Variants in ASTN2 observed in about 807,000 individuals in gnomAD.
ASTN2 encodes the protein astrotactin 2, also known as astrotactin-2.
Under a neutral mutation model 139.8 loss-of-function variants are expected in ASTN2, and 54 were observed. The observed-to-expected ratio is 0.39, with a 90% CI of 0.31 to 0.48. The LOEUF (loss-of-function observed/expected upper bound fraction) is 0.48. Among genes scored for constraint, ASTN2 ranks in the 20% least tolerant of loss-of-function variants. ASTN2 has a pLI of 0.95. For synonymous variants in ASTN2, 756 were observed against 719.5 expected (o/e 1.05, Z -0.81); for missense variants, 1,565 against 1,725.1 (o/e 0.91, Z 1.64).
At chr9:116,771,389 T>C (rs916393492) in intron 13 of ASTN2, among the ~76,000 whole-genome samples, 2 of 152,176 alleles carry the variant, frequency 1.3e-5, no homozygotes, top group African/African-American at 4.8e-5. Flanking sequence ...AGAAATAAGG[T>C]GATCCACATA....
Position 116,698,331 on chromosome 9 carries a change from G to A in ASTN2, c.2806+27440C>T, listed in dbSNP as rs1367241978. ...TGGGCATGAGGAGCGCAGGGTCCAG[G>A]ATGAGCTGGCTCGCTCTCGGAAGTT... is the stretch of plus-strand genomic sequence containing the variant. On this transcript the variant is annotated intron_variant, in intron 16 of 22. Transcript: ENST00000313400. The surrounding 1 kb of genome is among the most constrained non-coding windows in gnomAD (Gnocchi z 4.4). The A allele has an allele frequency of 1.9e-6, 3 of 1,614,176 alleles. No individual in the cohort carries two copies. Among genetic ancestry groups the A allele is most frequent in the Non-Finnish European group, 2.5e-6 (3 of 1,180,048 alleles).
At chr9:117,073,375 C>T (rs1011773571) in intron 5 of ASTN2, among the ~76,000 whole-genome samples, 5 of 152,094 alleles carry the variant, frequency 3.3e-5, no homozygotes, top group African/African-American at 1.2e-4. Flanking sequence ...TAATCCTTTG[C>T]AATATCATCT....
At chr9:116,985,805 G>A (rs1211640086) in intron 7 of ASTN2, among the ~76,000 whole-genome samples, 1 of 152,110 alleles carries the variant, frequency 6.6e-6, no homozygotes. Context: ...TGAGAGGCTG[G>A]CTTCTCCTCA....
intron 4 of ASTN2, among the ~76,000 whole-genome samples, chr9:117,100,433 A>G (rs1828949018): frequency 6.6e-6 from 1 of 152,240 alleles, no homozygotes; most frequent in Non-Finnish European, 1.5e-5. Flanking sequence ...GTTCAAATGA[A>G]TTTCCAGAAT....
At chr9:117,340,922 G>A (rs1012032249) in intron 1 of ASTN2, among the ~76,000 whole-genome samples, 2 of 152,162 alleles carry the variant, frequency 1.3e-5, no homozygotes, top group African/African-American at 4.8e-5. Flanking sequence ...CAATAACCAT[G>A]TGGGGCCTTT....
chr9:117,163,973 A>G (rs914928572), intron 3 of ASTN2, among the ~76,000 whole-genome samples: 3 of 152,106 alleles, frequency 2.0e-5, no homozygotes. Flanking sequence ...GGAACTCACT[A>G]TATGTCTGAT....
At position 117,099,252 on chromosome 9, in the gene ASTN2, G is replaced by A. The variant is rs1254951088; in HGVS notation, c.1169-3101C>T. Among the ~76,000 whole-genome samples, 3 of 152,286 alleles carry A rather than the reference G, an allele frequency of 2.0e-5. No homozygotes were observed. The East Asian group carries it at 5.8e-4, about 29-fold the overall frequency. On this transcript the variant is annotated intron_variant, in intron 4 of 22. Coordinates refer to ENST00000313400, the MANE Select transcript of ASTN2 (RefSeq NM_001365068.1). The stretch of plus-strand genomic sequence containing the variant: ...ACTCTCTGCTATGTCTGGAGCCACA[G>A]AGCAAAAAGGAGGGTCTATCCCTGT...
At chr9:117,172,882 A>T (rs1020539059) in intron 3 of ASTN2, among the ~76,000 whole-genome samples, 9 of 152,054 alleles carry the variant, frequency 5.9e-5, no homozygotes, top group Non-Finnish European at 1.2e-4. Flanking sequence ...CTCATCCCAC[A>T]CTTTGGCCAC....
chr9:117,312,239 G>C (rs1420397113), intron 1 of ASTN2, among the ~76,000 whole-genome samples: 2 of 152,128 alleles, frequency 1.3e-5, no homozygotes, highest in African/African-American at 4.8e-5. Flanking sequence ...CTGGTTAAGA[G>C]GATGACTAAC....
chr9:116,557,047 C>T (rs1852658852), intron 19 of ASTN2, among the ~76,000 whole-genome samples: 1 of 151,534 alleles, frequency 6.6e-6, no homozygotes, highest in South Asian at 2.1e-4. Context: ...TGGTGAAACC[C>T]CGCCTCTACT....
At chr9:116,854,773 T>C (rs1832695276) in intron 11 of ASTN2, among the ~76,000 whole-genome samples, 1 of 150,644 alleles carries the variant, frequency 6.6e-6, no homozygotes, top group South Asian at 2.1e-4. Flanking sequence ...TGCCTCAGCC[T>C]CCTGAGTAGC....
intron 10 of ASTN2, among the ~76,000 whole-genome samples, chr9:116,974,293 A>G (rs1474009340): frequency 6.6e-6 from 1 of 152,158 alleles, no homozygotes; most frequent in Admixed American, 6.5e-5. Context: ...TAGATGTCCA[A>G]TATGTACTAG....
intron 20 of ASTN2, among the ~76,000 whole-genome samples, chr9:116,478,862 C>T (rs549737346): frequency 3.5e-4 from 53 of 151,944 alleles, no homozygotes; most frequent in Non-Finnish European, 4.6e-4. Flanking sequence ...CACAGTGGCA[C>T]GTGCCTGTAG....
At position 116,641,509 on chromosome 9, in the gene ASTN2, A is replaced by G. The variant is rs73655454; in HGVS notation, c.3072+10019T>C. Among the ~76,000 whole-genome samples the G allele has an allele frequency of 9.4e-3, 1,433 of 152,278 alleles. 20 individuals are homozygous for G. Among genetic ancestry groups the G allele is most frequent in the African/African-American group, 0.032 (1,336 of 41,546 alleles). ...TGAGAGGGTTCAGTGAGCCAAGTAC[A>G]TAAAGTGCTTTAGCTAAGCTCCTGG... On this transcript the variant is annotated intron_variant, in intron 17 of 22. Coordinates refer to ENST00000313400, the MANE Select transcript of ASTN2 (RefSeq NM_001365068.1).
At chr9:116,829,715 T>C (rs1402141739) in intron 11 of ASTN2, among the ~76,000 whole-genome samples, 2 of 152,120 alleles carry the variant, frequency 1.3e-5, no homozygotes, top group African/African-American at 4.8e-5. Flanking sequence ...AATCACCTCC[T>C]ACCAAGCCCC....
intron 3 of ASTN2, among the ~76,000 whole-genome samples, chr9:117,159,421 G>A (rs1030530279): frequency 2.0e-5 from 3 of 152,040 alleles, no homozygotes; most frequent in Non-Finnish European, 2.9e-5. Context: ...GGCGGATGAA[G>A]GTTGATGAAG....
At chr9:116,974,594 C>G (rs1316267751) in intron 10 of ASTN2, among the ~76,000 whole-genome samples, 1 of 147,744 alleles carries the variant, frequency 6.8e-6, no homozygotes, top group African/African-American at 2.5e-5. Context: ...CTGCAACTTC[C>G]GCCTCCTGGG....
chr9:116,852,024 T>C (rs1031161677), intron 11 of ASTN2, among the ~76,000 whole-genome samples: 6 of 152,182 alleles, frequency 3.9e-5, no homozygotes, highest in African/African-American at 7.2e-5. Flanking sequence ...AACAGAGTCA[T>C]GTTGAGAAAC....
intron 1 of ASTN2, among the ~76,000 whole-genome samples, chr9:117,348,696 C>T (rs908800523): frequency 2.6e-5 from 4 of 152,106 alleles, no homozygotes; most frequent in African/African-American, 9.7e-5. Context: ...CTTTCAGCTC[C>T]TTTTTACTGT....
Sources: gnomAD v4.1 joint callset for allele counts (sites outside exome capture counted in the v4.1 genomes callset) on GRCh38, gnomAD v4.1.1 for gene constraint, Gnocchi (gnomAD v3.1) non-coding constraint, MANE v1.5 for transcripts, NCBI Gene and HGNC (gene_info 2026-07-23, HGNC 2026-07-21) for gene names.